Variants in SYTL3 observed in about 807,000 individuals in gnomAD.
SYTL3 encodes synaptotagmin like 3.
Under a neutral mutation model 82.1 loss-of-function variants are expected in SYTL3, and 88 were observed. That is an observed-to-expected ratio of 1.07 (90% CI 0.90 to 1.28). SYTL3 has a LOEUF of 1.28. SYTL3 is among the 50% of genes most tolerant of loss of function. The pLI is 0.00. For synonymous variants in SYTL3, 311 were observed against 289.4 expected (o/e 1.07, Z -0.76); for missense variants, 831 against 757.6 (o/e 1.10, Z -1.14).
At chr6:158,725,444 T>A in intron 10 of SYTL3, 59 bp from the exon 11 acceptor site, 1 of 1,590,002 alleles carries the variant, frequency 6.3e-7, no homozygotes, top group Non-Finnish European at 8.6e-7. Context: ...TCACCACATT[T>A]GAACAAAACC....
intron 11 of SYTL3, among the ~76,000 whole-genome samples, chr6:158,735,158 G>A (rs1785977879): frequency 6.6e-6 from 1 of 152,158 alleles, no homozygotes; most frequent in Admixed American, 6.5e-5. Flanking sequence ...GAACCAGGAT[G>A]CTAGCCTAGG....
rs757149987 is a variant in SYTL3 at position 158,757,240 on chromosome 6, C to A, written c.1167C>A (p.Thr389=). 6.2e-7 allele frequency: 1 copy of A among 1,611,566 alleles called. No individual in the cohort carries two copies. Among genetic ancestry groups the A allele is most frequent in the Non-Finnish European group, 8.5e-7 (1 of 1,179,920 alleles). ...AGGTGGCCCCTGCCCAGCTGGTGAC[C>A]CGGCAGCTGCAGGTCTCGGTGTGGC... ...KYQVAPAQLV[T]RQLQVSVWHL... Residue 389 remains threonine (T), a synonymous_variant, in exon 14 of 18, where the codon ACC becomes ACA. Transcript: ENST00000611299.
At chr6:158,728,591 G>A (rs1785015630) in intron 11 of SYTL3, among the ~76,000 whole-genome samples, 1 of 152,314 alleles carries the variant, frequency 6.6e-6, no homozygotes, top group South Asian at 2.1e-4. Flanking sequence ...TGTTTTAAAT[G>A]TATTCTCTGT....
rs71030191 is a variant in SYTL3, at chr6:158,693,855, C to CTTTTCTTTTCTTTTCTTTTTTTTTT, written c.394+10870_394+10871insCTTTTCTTTTCTTTTTTTTTTTTTT. ...TGCATCCAGCCTTTCTTTTTCTTTTCTTTTTTTTTTTTTTTTTTGTAGATA... is the reference window on the plus strand; with the variant it reads ...TGCATCCAGCCTTTCTTTTTCTTTTCTTTTCTTTTCTTTTCTTTTTTTTTTTTTTTTTTTTTTTTTTTTGTAGATA... On this transcript the variant is annotated intron_variant, in intron 6 of 17. Coordinates refer to ENST00000611299, the MANE Select transcript of SYTL3 (RefSeq NM_001242394.2). Among the ~76,000 whole-genome samples the CTTTTCTTTTCTTTTCTTTTTTTTTT allele has an allele frequency of 8.3e-5, 8 of 96,866 alleles. 1 individual carries two copies. The highest frequency in any genetic ancestry group is 3.8e-4 in the African/African-American group (7 of 18,590). 63.5% of individuals were successfully genotyped at this position (96,866 alleles called of 152,430 possible).
chr6:158,745,720 TAA>T, intron 12 of SYTL3, 62 bp downstream of exon 12: 2 of 1,244,676 alleles, frequency 1.6e-6, no homozygotes, highest in South Asian at 3.5e-5. Flanking sequence ...TATGAAAAAG[TAA>T]AAGTCTAAGA....
chr6:158,680,590 A>AC (rs1441526672), intron 5 of SYTL3, among the ~76,000 whole-genome samples: 5 of 151,304 alleles, frequency 3.3e-5, no homozygotes, highest in African/African-American at 4.9e-5. Flanking sequence ...AAAAAAAAAA[A>AC]AAAACACAAA....
At chr6:158,656,002 C>G (rs1388048891) in intron 2 of SYTL3, among the ~76,000 whole-genome samples, 1 of 152,102 alleles carries the variant, frequency 6.6e-6, no homozygotes, top group Non-Finnish European at 1.5e-5. Context: ...GAGTGGCGAG[C>G]ATTCTGTGGG....
At chr6:158,759,898 A>ATT (rs555573032) in intron 14 of SYTL3, among the ~76,000 whole-genome samples, 548 of 149,876 alleles carry the variant, frequency 3.7e-3, no homozygotes, top group African/African-American at 0.013. Flanking sequence ...TTTTTTTGTG[A>ATT]TTTTTTTTTT....
intron 2 of SYTL3, among the ~76,000 whole-genome samples, chr6:158,658,023 G>C (rs1300421417): frequency 1.3e-5 from 2 of 152,028 alleles, no homozygotes; most frequent in Non-Finnish European, 2.9e-5. Context: ...CTCCCAAGTA[G>C]GTGGGACTAC....
chr6:158,721,977 C>G (rs1296124221), intron 10 of SYTL3, among the ~76,000 whole-genome samples: 1 of 152,130 alleles, frequency 6.6e-6, no homozygotes, highest in Non-Finnish European at 1.5e-5. Context: ...TGCAATTACA[C>G]ATGCCTTAGC....
chr6:158,708,164 C>G (rs1241854688), intron 7 of SYTL3, among the ~76,000 whole-genome samples, 158 bp from the exon 8 acceptor site: 1 of 151,994 alleles, frequency 6.6e-6, no homozygotes, highest in Non-Finnish European at 1.5e-5. Context: ...AGCAGCAGGT[C>G]CAAGCAGGGC....
intron 6 of SYTL3, among the ~76,000 whole-genome samples, chr6:158,703,132 C>T (rs889359442): frequency 5.3e-5 from 7 of 133,050 alleles, no homozygotes; most frequent in East Asian, 2.2e-4. Context: ...CCAGCCTGGG[C>T]GACAGAGCAA....
Position 158,752,045 on chromosome 6 carries a change from GAT to G in SYTL3, c.1137+18_1137+19del, listed in dbSNP as rs1160214479. The G allele has an allele frequency of 6.3e-7, 1 of 1,575,536 alleles. No individual in the cohort carries two copies. On this transcript the variant is annotated intron_variant, in intron 13 of 17. Transcript: ENST00000611299. ...AGACCTTGAAGGTACTTGCTGGACA[GAT>G]ATTCCTGTGCAGAGTCCTCCCGAGC...
At chr6:158,762,358 A>G (rs1790090530) in intron 16 of SYTL3, among the ~76,000 whole-genome samples, 180 bp downstream of exon 16, 1 of 152,174 alleles carries the variant, frequency 6.6e-6, no homozygotes, top group Non-Finnish European at 1.5e-5. Context: ...CGGGATGTGT[A>G]CATGCTGGAG....
At chr6:158,685,887 C>G (rs1241645501) in intron 6 of SYTL3, among the ~76,000 whole-genome samples, 1 of 152,200 alleles carries the variant, frequency 6.6e-6, no homozygotes, top group African/African-American at 2.4e-5. Flanking sequence ...AGAAGGTAGA[C>G]TCTACCCTTT....
chr6:158,745,584 C>T lies in SYTL3; in HGVS notation c.960C>T (p.Thr320=), dbSNP rs1286844968. The change falls in exon 12 of 18, where the codon ACC becomes ACT. Residue 320 remains threonine (T), a synonymous_variant. Transcript: ENST00000611299. ...IEFAIHYCFK[T]HSLEICIKAC... ...TTGCCATTCATTATTGCTTCAAAAC[C>T]CATTCTTTAGAAATATGCATCAAGG... 1.9e-6 allele frequency: 3 copies of T among 1,613,600 alleles called. No homozygotes were observed. Among genetic ancestry groups the T allele is most frequent in the South Asian group, 1.1e-5 (1 of 91,028 alleles).
intron 5 of SYTL3, among the ~76,000 whole-genome samples, chr6:158,674,119 A>AATAATAATAATAATAATAATG (rs544841096): frequency 1.1e-4 from 16 of 141,454 alleles, no homozygotes; most frequent in African/African-American, 4.4e-4. Flanking sequence ...TAATAATAAT[A>AATAATAATAATAATAATAATG]ATGATGATGA....
At chr6:158,689,011 T>C (rs1449334241) in intron 6 of SYTL3, among the ~76,000 whole-genome samples, 1 of 152,244 alleles carries the variant, frequency 6.6e-6, no homozygotes, top group East Asian at 1.9e-4. Flanking sequence ...ATTGGCTATA[T>C]GATTTCTGAT....
At chr6:158,751,864 C>T (rs1788428599) in intron 12 of SYTL3, 64 bp from the exon 13 acceptor site, 1 of 1,276,278 alleles carries the variant, frequency 7.8e-7, no homozygotes, top group African/African-American at 1.6e-5. Context: ...TCTGCTGCCC[C>T]CAAACTCTTT....
Sources: gnomAD v4.1 joint callset for allele counts (sites outside exome capture counted in the v4.1 genomes callset) on GRCh38, gnomAD v4.1.1 for gene constraint, MANE v1.5 for transcripts, NCBI Gene and HGNC (gene_info 2026-07-23, HGNC 2026-07-21) for gene names.